The following SEC23IP variants were observed in gnomAD, a reference collection of about 807,000 sequenced individuals.
SEC23IP encodes SEC23-interacting protein.
Under a neutral mutation model 113.4 loss-of-function variants are expected in SEC23IP, and 70 were observed. That is an observed-to-expected ratio of 0.62 (90% CI 0.51 to 0.75). The LOEUF (loss-of-function observed/expected upper bound fraction) is 0.75, where lower values mean the gene tolerates loss of function less well. Ranked by LOEUF, SEC23IP falls within the 30% of genes least tolerant of loss-of-function variation. The pLI, the probability that SEC23IP is intolerant of heterozygous loss-of-function variation, is 0.00. For synonymous variants in SEC23IP, 398 were observed against 421.0 expected, an observed-to-expected ratio of 0.95 and a Z score of 0.67; for missense variants, 1,160 against 1,204.9, an observed-to-expected ratio of 0.96 and a Z score of 0.55.
rs970155452 is a variant in SEC23IP, at chr10:119,944,595, A to G, written c.*4030A>G. On this transcript the variant is annotated 3_prime_UTR_variant, in exon 19 of 19. Coordinates refer to ENST00000369075, the MANE Select transcript of SEC23IP (RefSeq NM_007190.4). ...AAGAAATTATGTTGTTAAGCACGAA[A>G]TGCAGAGAGAGAGCTATGTGAATGT... 2 of 152,222 alleles carry G rather than the reference A, an allele frequency of 1.3e-5. No individual in the cohort carries two copies. The highest frequency in any genetic ancestry group is 2.9e-5 in the Non-Finnish European group (2 of 68,044). 9.4% of individuals were successfully genotyped at this position (152,222 alleles called of 1,614,324 possible).
intron 14 of SEC23IP, 65 bp from the exon 15 acceptor site, chr10:119,930,264 G>A: frequency 1.2e-6 from 1 of 855,356 alleles, no homozygotes; most frequent in Middle Eastern, 2.6e-4. Context: ...ACCCAGCGAA[G>A]GCATATAACT....
At chr10:119,902,478 T>A (rs1028137240) in intron 2 of SEC23IP, among the ~76,000 whole-genome samples, 1 of 152,228 alleles carries the variant, frequency 6.6e-6, no homozygotes, top group East Asian at 1.9e-4. Context: ...CTAAATTTTT[T>A]AATTTTTAAT....
chr10:119,914,693 C>G, intron 6 of SEC23IP, 37 bp from the exon 7 acceptor site: 1 of 1,538,602 alleles, frequency 6.5e-7, no homozygotes, highest in Non-Finnish European at 9.0e-7. Flanking sequence ...AAACAAATTC[C>G]CATCTTTTAT....
At position 119,898,715 on chromosome 10, in the gene SEC23IP, G is replaced by T. The variant is rs1394610654; in HGVS notation, c.452G>T (p.Gly151Val). The change falls in exon 2 of 19, where the codon GGA becomes GTA. Residue 151 changes from glycine to valine, a missense_variant. Gly to Val is a moderately radical substitution (Grantham distance 109). Transcript: ENST00000369075. ...GGTGCTCCACCTTCCTCACTGATGG[G>T]AATAAATTCTTATCTGCCTTCTCAG... ...QPGAPPSSLMGINSYLPSQPS... is the reference protein window; with the variant it reads ...QPGAPPSSLMVINSYLPSQPS... 2 of 1,614,038 alleles carry T rather than the reference G, an allele frequency of 1.2e-6. No homozygotes were observed. Among genetic ancestry groups the T allele is most frequent in the African/African-American group, 1.3e-5 (1 of 74,912 alleles).
At chr10:119,920,274 A>G (rs1855207058) in intron 11 of SEC23IP, among the ~76,000 whole-genome samples, 1 of 152,230 alleles carries the variant, frequency 6.6e-6, no homozygotes, top group Admixed American at 6.5e-5. Flanking sequence ...GAAATATTCA[A>G]ACAAGAATTA....
chr10:119,918,785 G>A (rs900573101), intron 10 of SEC23IP, among the ~76,000 whole-genome samples: 9 of 152,024 alleles, frequency 5.9e-5, no homozygotes, highest in African/African-American at 1.9e-4. Context: ...AATAGCTTCC[G>A]TGTCCAGCCC....
At chr10:119,939,099 A>G (rs1276034896) in intron 18 of SEC23IP, among the ~76,000 whole-genome samples, 1 of 151,862 alleles carries the variant, frequency 6.6e-6, no homozygotes, top group Non-Finnish European at 1.5e-5. Flanking sequence ...GCTTGAGCTC[A>G]GGAGTTCGAG....
At chr10:119,936,543 CAAAAAA>C (rs35075710) in intron 18 of SEC23IP, among the ~76,000 whole-genome samples, 1 of 76,840 alleles carries the variant, frequency 1.3e-5, no homozygotes. Flanking sequence ...GATTCCGTCT[CAAAAAA>C]AAAAAAAAAA....
At chr10:119,900,279 GTA>G (rs1554911796) in intron 2 of SEC23IP, among the ~76,000 whole-genome samples, 7,816 of 145,796 alleles carry the variant, frequency 0.054, 335 homozygotes, top group South Asian at 0.2. Flanking sequence ...ACGTGTGTGT[GTA>G]TGTGTGTGTG....
chr10:119,906,493 T>C (rs1854670649), intron 4 of SEC23IP, among the ~76,000 whole-genome samples: 1 of 151,370 alleles, frequency 6.6e-6, no homozygotes, highest in Non-Finnish European at 1.5e-5. Context: ...ACCAAGACCA[T>C]TTCGACAATG....
At chr10:119,913,432 A>G (rs780589990) in intron 6 of SEC23IP, among the ~76,000 whole-genome samples, 19 of 151,928 alleles carry the variant, frequency 1.3e-4, no homozygotes, top group Non-Finnish European at 2.6e-4. Context: ...CAGCTTTGCT[A>G]TTGTTGTGTG....
intron 2 of SEC23IP, among the ~76,000 whole-genome samples, chr10:119,902,529 A>G (rs1371082984): frequency 1.3e-5 from 2 of 149,408 alleles, no homozygotes; most frequent in East Asian, 2.0e-4. Context: ...TATGGGTTAC[A>G]TGAGATATTT....
Position 119,937,027 on chromosome 10 carries a change from A to T in SEC23IP, c.*20+3240A>T, listed in dbSNP as rs945307611. ...CTTAGCCTCCCGAGTAGCTGGGACT[A>T]CAGGCGCCCGCTGCTGTGCCCAGCT... is the stretch of plus-strand genomic sequence containing the variant. On this transcript the variant is annotated intron_variant, in intron 18 of 18. Coordinates refer to ENST00000369075, the MANE Select transcript of SEC23IP (RefSeq NM_007190.4). 4.6e-5 allele frequency among the ~76,000 whole-genome samples: 7 copies of T among 151,884 alleles called. No individual in the cohort carries two copies. The East Asian group carries it at 9.8e-4, about 21-fold the overall frequency.
intron 1 of SEC23IP, among the ~76,000 whole-genome samples, chr10:119,895,089 A>T (rs920986939): frequency 3.9e-5 from 6 of 152,342 alleles, no homozygotes; most frequent in South Asian, 2.1e-4. Flanking sequence ...TCATACATTC[A>T]GCAGACATGG....
chr10:119,939,410 G>A (rs1267762120), intron 18 of SEC23IP, among the ~76,000 whole-genome samples: 1 of 152,088 alleles, frequency 6.6e-6, no homozygotes, highest in African/African-American at 2.4e-5. Flanking sequence ...AGCTGGTCAC[G>A]GTGGCTCATG....
chr10:119,929,481 A>G lies in SEC23IP; in HGVS notation c.2314-126A>G, dbSNP rs542984541. The G allele has an allele frequency of 9.2e-4, 651 of 704,150 alleles. 3 individuals are homozygous for G. Among genetic ancestry groups the G allele is most frequent in the Middle Eastern group, 8.4e-3 (21 of 2,488 alleles). The allele number at this position is 704,150 out of a possible 1,614,324, so 43.6% of individuals were successfully genotyped here. On this transcript the variant is annotated intron_variant, in intron 13 of 18. Transcript: ENST00000369075. Reference sequence around the variant, plus strand: ...GATCTCCTGATCTCGTGATCCGCCCACCTTGGCCTCCCAAAGTGCTGGGAT... The same window carrying G: ...GATCTCCTGATCTCGTGATCCGCCCGCCTTGGCCTCCCAAAGTGCTGGGAT...
Position 119,910,059 on chromosome 10 carries a change from A to C in SEC23IP, c.1191+929A>C, listed in dbSNP as rs146427675. ...AAATATTTAAGGCTTTGCAAGTTACATGTTCCCTGTTGAAGCCACCAGCTC... is the reference window on the plus strand; with the variant it reads ...AAATATTTAAGGCTTTGCAAGTTACCTGTTCCCTGTTGAAGCCACCAGCTC... On this transcript the variant is annotated intron_variant, in intron 5 of 18. Coordinates refer to ENST00000369075, the MANE Select transcript of SEC23IP (RefSeq NM_007190.4). Among the ~76,000 whole-genome samples, 1,228 of 152,338 alleles carry C rather than the reference A, an allele frequency of 8.1e-3. 11 individuals are homozygous for C. The highest frequency in any genetic ancestry group is 0.014 in the Non-Finnish European group (939 of 68,026).
intron 5 of SEC23IP, 118 bp from the exon 6 acceptor site, chr10:119,911,926 T>A: frequency 8.0e-7 from 1 of 1,249,610 alleles, no homozygotes; most frequent in East Asian, 2.4e-5. Flanking sequence ...GGAACAGTAC[T>A]AATAATTTAT....
At chr10:119,925,332 G>A (rs1291289159) in intron 12 of SEC23IP, among the ~76,000 whole-genome samples, 1 of 152,116 alleles carries the variant, frequency 6.6e-6, no homozygotes, top group Non-Finnish European at 1.5e-5. Context: ...AGCATGAACA[G>A]TATGTATTCT....
Sources: gnomAD v4.1 joint callset for allele counts (sites outside exome capture counted in the v4.1 genomes callset) on GRCh38, gnomAD v4.1.1 for gene constraint, MANE v1.5 for transcripts, NCBI Gene and HGNC (gene_info 2026-07-23, HGNC 2026-07-21) for gene names.